The following HTRA3 variants were observed in gnomAD, a reference collection of about 807,000 sequenced individuals.
HTRA3 encodes the protein HtrA serine peptidase 3, also known as serine protease HTRA3.
HTRA3 carries 41 observed loss-of-function variants against 43.2 expected under a neutral mutation model. That is an observed-to-expected ratio of 0.95 (90% CI 0.74 to 1.23). HTRA3 has a LOEUF of 1.23. Ranked by LOEUF, HTRA3 falls within the 50% of genes most tolerant of loss-of-function variation. HTRA3 has a pLI of 0.00. For missense variants in HTRA3, 628 were observed against 647.1 expected, an observed-to-expected ratio of 0.97 and a Z score of 0.32; for synonymous variants, 295 against 287.9, an observed-to-expected ratio of 1.02 and a Z score of -0.25.
chr4:8,277,742 CT>C (rs1277662075), intron 1 of HTRA3, among the ~76,000 whole-genome samples: 3 of 152,220 alleles, frequency 2.0e-5, no homozygotes, highest in Admixed American at 1.3e-4. Context: ...CTTGAATGCC[CT>C]GCTTAGAGGT....
chr4:8,291,567 G>A lies in HTRA3; in HGVS notation c.903+3G>A. On this transcript the variant is annotated splice_donor_region_variant and intron_variant, in intron 4 of 8. Coordinates refer to ENST00000307358, the MANE Select transcript of HTRA3 (RefSeq NM_053044.5). The stretch of plus-strand genomic sequence containing the variant: ...TCCAGACGGATGCCATCATCAACGT[G>A]AGTCCCAGGGACAGGAGGCCGGGGC... The A allele has an allele frequency of 6.4e-7, 1 of 1,568,704 alleles. No individual in the cohort carries two copies. Among genetic ancestry groups the A allele is most frequent in the Non-Finnish European group, 8.7e-7 (1 of 1,155,328 alleles).
In HTRA3 at chr4:8,286,429, G is replaced by A; in HGVS notation, c.486-132G>A. On this transcript the variant is annotated intron_variant, in intron 2 of 8. Transcript: ENST00000307358. This position sits in a 1 kb window ranked among gnomAD's most constrained non-coding sequence, Gnocchi z 4.9. ...AGGGCCAGGATTCAAATGGGAGCTT[G>A]AGGGACTCCAGACCTGTGTTCTGTC... 1.3e-6 allele frequency: 1 copy of A among 748,256 alleles called. No individual in the cohort carries two copies. The highest frequency in any genetic ancestry group is 2.5e-5 in the East Asian group (1 of 40,030). 46.4% of individuals were successfully genotyped at this position (748,256 alleles called of 1,614,324 possible). A position where few individuals can be genotyped will look rare whatever the true frequency, so the allele number is the denominator to read the frequency against.
chr4:8,296,515 A>G lies in HTRA3; in HGVS notation c.1051+2314A>G, dbSNP rs1288649423. 18 of 985,206 alleles carry G rather than the reference A, an allele frequency of 1.8e-5. No individual in the cohort carries two copies. Among genetic ancestry groups the G allele is most frequent in the Non-Finnish European group, 2.2e-5 (18 of 829,820 alleles). The allele number at this position is 985,206 out of a possible 1,614,324, so 61.0% of individuals were successfully genotyped here. A position where few individuals can be genotyped will look rare whatever the true frequency, so the allele number is the denominator to read the frequency against. ...GTTCTTTGAAATGAACCATCTTTTT[A>G]TTAAATCAAGGAGATGTTAAGTGCA... On this transcript the variant is annotated intron_variant, in intron 6 of 8. Transcript: ENST00000307358. The surrounding 1 kb of genome is among the most constrained non-coding windows in gnomAD (Gnocchi z 5.3).
At chr4:8,303,870 C>T (rs1713746683) in intron 7 of HTRA3, among the ~76,000 whole-genome samples, 1 of 152,052 alleles carries the variant, frequency 6.6e-6, no homozygotes, top group African/African-American at 2.4e-5. Context: ...ATTTCTCCTT[C>T]TATCCACCCA....
At position 8,305,993 on chromosome 4, in the gene HTRA3, A is replaced by G. The variant is rs758520505; in HGVS notation, c.1219A>G (p.Ile407Val). The stretch of plus-strand genomic sequence containing the variant: ...CAGAGGCGGCATCCAAGATGGTGAC[A>G]TCATCGTCAAGGTCAACGGGCGTCC... ...SQRGGIQDGD[I>V]IVKVNGRPLV... The change falls in exon 9 of 9, where the codon ATC becomes GTC. Residue 407 changes from isoleucine (I) to valine (V), a missense_variant. Ile to Val is a conservative substitution (Grantham distance 29). Transcript: ENST00000307358. 2.5e-6 allele frequency: 4 copies of G among 1,611,482 alleles called. No homozygotes were observed. Among genetic ancestry groups the G allele is most frequent in the East Asian group, 2.2e-5 (1 of 44,782 alleles).
At chr4:8,280,615 T>G (rs1712705665) in intron 1 of HTRA3, among the ~76,000 whole-genome samples, 1 of 152,248 alleles carries the variant, frequency 6.6e-6, no homozygotes, top group East Asian at 1.9e-4. Flanking sequence ...GAAGCAAACG[T>G]GGGCAGAGAG....
chr4:8,302,052 C>T (rs1226457152), intron 6 of HTRA3, among the ~76,000 whole-genome samples: 1 of 152,090 alleles, frequency 6.6e-6, no homozygotes, highest in South Asian at 2.1e-4. Flanking sequence ...CAGCGAGTAT[C>T]GTTTTGAGGA....
At position 8,291,458 on chromosome 4, in the gene HTRA3, A is replaced by G; in HGVS notation, c.797A>G (p.Gln266Arg). The G allele has an allele frequency of 1.2e-6, 2 of 1,613,176 alleles. No individual in the cohort carries two copies. The highest frequency in any genetic ancestry group is 1.7e-6 in the Non-Finnish European group (2 of 1,180,014). ...GCCATCGGCAGTCCCTTCGCCCTAC[A>G]GAACACAGTGACAACGGGCATCGTC... ...VVAIGSPFALQNTVTTGIVST... is the reference protein window; with the variant it reads ...VVAIGSPFALRNTVTTGIVST... Residue 266 changes from glutamine (Q) to arginine (R), a missense_variant, in exon 4 of 9, where the codon CAG becomes CGG. By Grantham distance (43) the Gln-to-Arg change is conservative. Coordinates refer to ENST00000307358, the MANE Select transcript of HTRA3 (RefSeq NM_053044.5).
intron 3 of HTRA3, among the ~76,000 whole-genome samples, chr4:8,289,664 G>A (rs898532385): frequency 1.3e-5 from 2 of 152,198 alleles, no homozygotes; most frequent in African/African-American, 4.8e-5. Flanking sequence ...ATGAGCTGAG[G>A]TGGGAAACGC....
intron 1 of HTRA3, among the ~76,000 whole-genome samples, chr4:8,275,975 T>C (rs74852523): frequency 2.0e-3 from 310 of 152,282 alleles, no homozygotes; most frequent in African/African-American, 7.1e-3. Flanking sequence ...TGTGGACTAA[T>C]GGGTGGGACA....
intron 2 of HTRA3, among the ~76,000 whole-genome samples, chr4:8,284,784 G>A (rs997586198): frequency 1.3e-5 from 2 of 152,174 alleles, no homozygotes; most frequent in African/African-American, 2.4e-5. Context: ...TTGCCTGCCC[G>A]CCTGACCTAG....
chr4:8,296,099 G>A lies in HTRA3; in HGVS notation c.1051+1898G>A. On this transcript the variant is annotated intron_variant, in intron 6 of 8. Transcript: ENST00000307358. The surrounding 1 kb of genome is among the most constrained non-coding windows in gnomAD (Gnocchi z 5.3). Reference sequence around the variant, plus strand: ...TTCTCCATGGGTGCCTTTGACTTTGGCCTCCTTACTGGAAATTAGCGGAGC... The same window carrying A: ...TTCTCCATGGGTGCCTTTGACTTTGACCTCCTTACTGGAAATTAGCGGAGC... 1 of 1,023,356 alleles carries A rather than the reference G, an allele frequency of 9.8e-7. No individual in the cohort carries two copies. The highest frequency in any genetic ancestry group is 1.7e-5 in the African/African-American group (1 of 58,890). 63.4% of individuals were successfully genotyped at this position (1,023,356 alleles called of 1,614,324 possible). A position where few individuals can be genotyped will look rare whatever the true frequency, so the allele number is the denominator to read the frequency against.
intron 1 of HTRA3, among the ~76,000 whole-genome samples, chr4:8,272,964 G>A (rs565323218): frequency 2.6e-5 from 4 of 152,330 alleles, no homozygotes; most frequent in South Asian, 2.1e-4. Context: ...TCGGCAGGGC[G>A]ACACGCAGAG....
At chr4:8,300,719 C>T (rs1374118931) in intron 6 of HTRA3, among the ~76,000 whole-genome samples, 1 of 152,086 alleles carries the variant, frequency 6.6e-6, no homozygotes, top group African/African-American at 2.4e-5. Flanking sequence ...ACATTCTTAT[C>T]TTTATTTCAT....
In HTRA3 at chr4:8,296,333, C is replaced by T. The variant is rs1372234330; in HGVS notation, c.1051+2132C>T. 4.1e-6 allele frequency: 4 copies of T among 985,354 alleles called. No individual in the cohort carries two copies. In the South Asian group the frequency reaches 1.4e-4, roughly 35 times the overall value. The allele number at this position is 985,354 out of a possible 1,614,324, so 61.0% of individuals were successfully genotyped here. A position where few individuals can be genotyped will look rare whatever the true frequency, so the allele number is the denominator to read the frequency against. ...TCCCCTGTCCTCAGAGCTGTGTCCC[C>T]TCCCCAAGGACAGTGCAGACTAACT... On this transcript the variant is annotated intron_variant, in intron 6 of 8. Transcript: ENST00000307358. This position sits in a 1 kb window ranked among gnomAD's most constrained non-coding sequence, Gnocchi z 5.3.
At position 8,295,191 on chromosome 4, in the gene HTRA3, G is replaced by T. The variant is rs1438556230; in HGVS notation, c.1051+990G>T. On this transcript the variant is annotated intron_variant, in intron 6 of 8. Coordinates refer to ENST00000307358, the MANE Select transcript of HTRA3 (RefSeq NM_053044.5). The surrounding 1 kb of genome is among the most constrained non-coding windows in gnomAD (Gnocchi z 6.9). ...TCTACCCACCTGTCCCTCTATCCCT[G>T]TCCGTCTATTCTTCCATCCATCTAC... Among the ~76,000 whole-genome samples, 1 of 151,542 alleles carries T rather than the reference G, an allele frequency of 6.6e-6. No individual in the cohort carries two copies. The highest frequency in any genetic ancestry group is 1.9e-4 in the East Asian group (1 of 5,136).
chr4:8,304,003 G>C (rs775175233), intron 7 of HTRA3, among the ~76,000 whole-genome samples, 181 bp from the exon 8 acceptor site: 1 of 152,054 alleles, frequency 6.6e-6, no homozygotes, highest in Non-Finnish European at 1.5e-5. Context: ...TTGCTACCAC[G>C]TTTCTCTTAA....
Position 8,304,282 on chromosome 4 carries a change from A to G in HTRA3, c.1196+3A>G. 3.7e-6 allele frequency: 6 copies of G among 1,612,704 alleles called. No individual in the cohort carries two copies. Among genetic ancestry groups the G allele is most frequent in the Non-Finnish European group, 3.4e-6 (4 of 1,178,690 alleles). ...GCGCCGAATTCACCTTCTCAGAGGT[A>G]GGCTCTGCCAGAGGAGATCGCTCGA... On this transcript the variant is annotated splice_donor_region_variant and intron_variant, in intron 8 of 8. Transcript: ENST00000307358.
Position 8,282,490 on chromosome 4 carries a change from G to A in HTRA3, c.439G>A (p.Val147Met). 1 of 1,614,158 alleles carries A rather than the reference G, an allele frequency of 6.2e-7. No homozygotes were observed. The highest frequency in any genetic ancestry group is 8.5e-7 in the Non-Finnish European group (1 of 1,180,020). Residue 147 changes from valine (V) to methionine (M), a missense_variant, in exon 2 of 9, where the codon GTG becomes ATG. Physicochemically the swap from Val to Met is conservative, Grantham distance 21. Transcript: ENST00000307358. The stretch of plus-strand genomic sequence containing the variant: ...CAAGTTCAACTTCATTGCTGACGTG[G>A]TGGAGAAGATCGCACCAGCCGTGGT... ...RYKFNFIADV[V>M]EKIAPAVVHI...
Sources: gnomAD v4.1 joint callset for allele counts (sites outside exome capture counted in the v4.1 genomes callset) on GRCh38, gnomAD v4.1.1 for gene constraint, Gnocchi (gnomAD v3.1) non-coding constraint, MANE v1.5 for transcripts, NCBI Gene and HGNC (gene_info 2026-07-23, HGNC 2026-07-21) for gene names.